The following MECOM variants were observed in gnomAD, a reference collection of about 807,000 sequenced individuals.
The protein encoded by MECOM is histone-lysine N-methyltransferase MECOM.
Under a neutral mutation model 116.3 loss-of-function variants are expected in MECOM, and 13 were observed. The observed-to-expected ratio is 0.11, with a 90% CI of 0.07 to 0.18. MECOM has a LOEUF of 0.18. Among genes scored for constraint, MECOM ranks in the 10% least tolerant of loss-of-function variants. MECOM has a pLI of 1.00. For missense variants in MECOM, 1,299 were observed against 1,509.0 expected, an observed-to-expected ratio of 0.86 and a Z score of 2.31; for synonymous variants, 528 against 535.2, an observed-to-expected ratio of 0.99 and a Z score of 0.19.
intron 2 of MECOM, among the ~76,000 whole-genome samples, chr3:169,211,088 A>G (rs1750668592): frequency 2.6e-5 from 4 of 152,170 alleles, no homozygotes; most frequent in Admixed American, 2.0e-4. Context: ...TGTGTGCACA[A>G]GTCTTTTTGT....
intron 3 of MECOM, chr3:169,132,033 A>G: frequency 1.1e-6 from 1 of 927,086 alleles, no homozygotes; most frequent in Non-Finnish European, 1.3e-6. Flanking sequence ...ATAAAGGATC[A>G]TGACAACAAA....
At chr3:169,286,961 C>G (rs1178195371) in intron 2 of MECOM, among the ~76,000 whole-genome samples, 3 of 152,124 alleles carry the variant, frequency 2.0e-5, no homozygotes, top group Non-Finnish European at 4.4e-5. Flanking sequence ...GAAACTAGTG[C>G]ATTGTTTAAT....
intron 1 of MECOM, among the ~76,000 whole-genome samples, chr3:169,493,374 T>C (rs1753359898): frequency 6.6e-6 from 1 of 152,172 alleles, no homozygotes; most frequent in Admixed American, 6.6e-5. Flanking sequence ...TTGCAAAACC[T>C]GTATGGTTCT....
In MECOM at chr3:169,084,856, A is replaced by G; in HGVS notation, c.*53T>C. On this transcript the variant is annotated 3_prime_UTR_variant, in exon 17 of 17. Coordinates refer to ENST00000651503, the MANE Select transcript of MECOM (RefSeq NM_004991.4). ...GCAGTCTTGTAAATAGTCCTATATG[A>G]AAGAGCCATGCTACTGTTGGACTTG... 6.2e-7 allele frequency: 1 copy of G among 1,609,824 alleles called. No homozygotes were observed. The highest frequency in any genetic ancestry group is 1.7e-5 in the Admixed American group (1 of 59,888).
rs573919479 is a variant in MECOM at position 169,138,197 on chromosome 3, G to A, written c.510+5501C>T. 2.6e-5 allele frequency among the ~76,000 whole-genome samples: 4 copies of A among 152,162 alleles called. No homozygotes were observed. In the South Asian group the frequency reaches 6.2e-4, roughly 24 times the overall value. ...GAAATAGTTACAGTCTATTGTGTATGTGATGCTTTGTGATCTTCCTGAATG... is the reference window on the plus strand; with the variant it reads ...GAAATAGTTACAGTCTATTGTGTATATGATGCTTTGTGATCTTCCTGAATG... On this transcript the variant is annotated intron_variant, in intron 3 of 16. Coordinates refer to ENST00000651503, the MANE Select transcript of MECOM (RefSeq NM_004991.4).
At chr3:169,394,284 G>A (rs1322339724) in intron 1 of MECOM, among the ~76,000 whole-genome samples, 1 of 152,158 alleles carries the variant, frequency 6.6e-6, no homozygotes, top group African/African-American at 2.4e-5. Flanking sequence ...TGAAATTGCT[G>A]ATTTCAAAGG....
chr3:169,242,367 G>C (rs1754975424), intron 2 of MECOM, among the ~76,000 whole-genome samples: 1 of 152,132 alleles, frequency 6.6e-6, no homozygotes. Flanking sequence ...AACAGAAAGT[G>C]TCTCAAGTCT....
chr3:169,525,977 G>A lies in MECOM; in HGVS notation c.37+137359C>T, dbSNP rs113157377. Reference sequence around the variant, plus strand: ...CCAGGAGGTGAAGTTGCAGTGAGCCGAGATCATGCCACTGCACTCCAGCCT... The same window carrying A: ...CCAGGAGGTGAAGTTGCAGTGAGCCAAGATCATGCCACTGCACTCCAGCCT... On this transcript the variant is annotated intron_variant, in intron 1 of 16. Transcript: ENST00000651503. Among the ~76,000 whole-genome samples the A allele has an allele frequency of 7.2e-3, 1,086 of 151,720 alleles. 18 individuals carry two copies. The highest frequency in any genetic ancestry group is 0.024 in the African/African-American group (1,006 of 41,308).
At chr3:169,494,796 C>G (rs1753616680) in intron 1 of MECOM, among the ~76,000 whole-genome samples, 1 of 152,220 alleles carries the variant, frequency 6.6e-6, no homozygotes, top group Non-Finnish European at 1.5e-5. Flanking sequence ...AACTGAGAGT[C>G]ACTGCCTTCA....
In MECOM at chr3:169,417,659, G is replaced by A. The variant is rs372171477; in HGVS notation, c.38-36135C>T. 1.6e-4 allele frequency among the ~76,000 whole-genome samples: 24 copies of A among 151,498 alleles called. 1 individual carries two copies. The East Asian group carries it at 2.2e-3, about 14-fold the overall frequency. On this transcript the variant is annotated intron_variant, in intron 1 of 16. Transcript: ENST00000651503. ...TGCTGCTATAAAGACACATGCACAC[G>A]TATGTTTATTGCGGCACTATTCACA...
intron 2 of MECOM, among the ~76,000 whole-genome samples, chr3:169,286,946 T>C (rs920049746): frequency 6.6e-6 from 1 of 152,110 alleles, no homozygotes; most frequent in Non-Finnish European, 1.5e-5. Flanking sequence ...ACTTAAACAA[T>C]AAGAGAAACT....
chr3:169,135,507 G>C (rs1228798024), intron 3 of MECOM, among the ~76,000 whole-genome samples: 1 of 151,870 alleles, frequency 6.6e-6, no homozygotes, highest in African/African-American at 2.4e-5. Flanking sequence ...TAAGAAAATA[G>C]ATTATATGGA....
chr3:169,258,470 A>G (rs1162451427), intron 2 of MECOM, among the ~76,000 whole-genome samples: 2 of 152,328 alleles, frequency 1.3e-5, no homozygotes, highest in East Asian at 3.9e-4. Flanking sequence ...TGAATCCATT[A>G]GTATTTCTAT....
chr3:169,275,700 T>C (rs1418826180), intron 2 of MECOM, among the ~76,000 whole-genome samples: 1 of 152,238 alleles, frequency 6.6e-6, no homozygotes. Context: ...ATAACAGCTA[T>C]ATGAAACAAA....
At chr3:169,206,387 T>C (rs867841610) in intron 2 of MECOM, among the ~76,000 whole-genome samples, 1 of 152,120 alleles carries the variant, frequency 6.6e-6, no homozygotes, top group Non-Finnish European at 1.5e-5. Flanking sequence ...GTTTTAATGC[T>C]TGCAAAAAAT....
chr3:169,264,473 ATT>A (rs1758015822), intron 2 of MECOM, among the ~76,000 whole-genome samples: 1 of 152,196 alleles, frequency 6.6e-6, no homozygotes, highest in Non-Finnish European at 1.5e-5. Flanking sequence ...TTATAAATCA[ATT>A]AAAAAAAAGC....
intron 2 of MECOM, among the ~76,000 whole-genome samples, chr3:169,255,649 T>A (rs894964487): frequency 6.6e-6 from 1 of 152,146 alleles, no homozygotes; most frequent in Non-Finnish European, 1.5e-5. Flanking sequence ...TTGGTCAAGT[T>A]CCTTACAATC....
chr3:169,399,372 C>T (rs1038751538), intron 1 of MECOM, among the ~76,000 whole-genome samples: 4 of 152,188 alleles, frequency 2.6e-5, no homozygotes, highest in African/African-American at 9.6e-5. Context: ...GTCATTGCCA[C>T]CACGGGAAGA....
At position 169,611,947 on chromosome 3, in the gene MECOM, T is replaced by C. The variant is rs1249621215; in HGVS notation, c.37+51389A>G. On this transcript the variant is annotated intron_variant, in intron 1 of 16. Transcript: ENST00000651503. This position sits in a 1 kb window ranked among gnomAD's most constrained non-coding sequence, Gnocchi z 4.1. The stretch of plus-strand genomic sequence containing the variant: ...AACGCTATTGACATTTTGAGCCAGA[T>C]AATTCTTTGTGATGGGGAGCTGTCC... 6.6e-6 allele frequency among the ~76,000 whole-genome samples: 1 copy of C among 152,220 alleles called. No individual in the cohort carries two copies. The highest frequency in any genetic ancestry group is 1.5e-5 in the Non-Finnish European group (1 of 68,040).
Sources: gnomAD v4.1 joint callset for allele counts (sites outside exome capture counted in the v4.1 genomes callset) on GRCh38, gnomAD v4.1.1 for gene constraint, Gnocchi (gnomAD v3.1) non-coding constraint, MANE v1.5 for transcripts, NCBI Gene and HGNC (gene_info 2026-07-23, HGNC 2026-07-21) for gene names.